Variants in FHIT observed in about 807,000 individuals in gnomAD.
The protein encoded by FHIT is bis(5'-adenosyl)-triphosphatase.
Under a neutral mutation model 17.9 loss-of-function variants are expected in FHIT, and 19 were observed. That is an observed-to-expected ratio of 1.06 (90% CI 0.74 to 1.56). The LOEUF (loss-of-function observed/expected upper bound fraction) is 1.56, where lower values mean the gene tolerates loss of function less well. Among genes scored for constraint, FHIT ranks in the 40% most tolerant of loss-of-function variants. The pLI is 0.00. For synonymous variants in FHIT, 81 were observed against 69.7 expected, an observed-to-expected ratio of 1.16 and a Z score of -0.81; for missense variants, 248 against 189.2, an observed-to-expected ratio of 1.31 and a Z score of -1.82.
chr3:60,256,680 TC>T (rs1411916770), intron 5 of FHIT, among the ~76,000 whole-genome samples: 3 of 152,192 alleles, frequency 2.0e-5, no homozygotes, highest in Non-Finnish European at 4.4e-5. Context: ...CTTTGGTAGA[TC>T]CCACCTTGGT....
rs183651506 is a variant in FHIT, at chr3:60,716,814, T to C, written c.-18+105105A>G. ...AGCACGTGAGTAATTCGTGACGCTA[T>C]GATATTAGCACACTACAATGTCACT... On this transcript the variant is annotated intron_variant, in intron 4 of 9. Transcript: ENST00000492590. Among the ~76,000 whole-genome samples, 127 of 152,348 alleles carry C rather than the reference T, an allele frequency of 8.3e-4. 3 individuals carry two copies. Among genetic ancestry groups the C allele is most frequent in the African/African-American group, 2.9e-3 (121 of 41,578 alleles).
chr3:60,074,664 GA>G (rs66994374), intron 5 of FHIT, among the ~76,000 whole-genome samples: 2 of 150,328 alleles, frequency 1.3e-5, no homozygotes, highest in East Asian at 3.9e-4. Flanking sequence ...TTCCAAAGGG[GA>G]AAAAAAAACA....
intron 4 of FHIT, among the ~76,000 whole-genome samples, chr3:60,613,082 G>C (rs1226091978): frequency 6.6e-6 from 1 of 152,108 alleles, no homozygotes; most frequent in Admixed American, 6.6e-5. Context: ...ATATTAGTAG[G>C]GGATTTCAAG....
chr3:60,473,646 C>A (rs548812848), intron 5 of FHIT, among the ~76,000 whole-genome samples: 33 of 152,220 alleles, frequency 2.2e-4, no homozygotes, highest in Admixed American at 2.0e-3. Context: ...CAGCTGGGCG[C>A]AGTGGCTCAC....
rs1017771866 is a variant in FHIT, at chr3:60,480,717, T to C, written c.103+56143A>G. ...GACTCCATGGATCAAATCCAGGGCA[T>C]GCTCATGCAGGAAGAGGGATCCCAG... On this transcript the variant is annotated intron_variant, in intron 5 of 9. Transcript: ENST00000492590. Among the ~76,000 whole-genome samples the C allele has an allele frequency of 7.9e-5, 12 of 152,332 alleles. No homozygotes were observed. The East Asian group carries it at 1.7e-3, about 22-fold the overall frequency.
chr3:60,146,597 C>A (rs931042495), intron 5 of FHIT, among the ~76,000 whole-genome samples: 2 of 152,090 alleles, frequency 1.3e-5, no homozygotes, highest in African/African-American at 4.8e-5. Context: ...TTCTGATCAC[C>A]CAGTTTGGGA....
At chr3:60,946,801 C>A (rs1412354344) in intron 3 of FHIT, among the ~76,000 whole-genome samples, 1 of 152,088 alleles carries the variant, frequency 6.6e-6, no homozygotes, top group Non-Finnish European at 1.5e-5. Context: ...GGGGAAGCCT[C>A]CTTAAGAGTT....
intron 3 of FHIT, among the ~76,000 whole-genome samples, chr3:60,857,538 G>T (rs1345440028): frequency 3.1e-4 from 47 of 152,064 alleles, no homozygotes; most frequent in African/African-American, 1.1e-3. Context: ...GATAATACAT[G>T]GAAAGCTTTC....
intron 4 of FHIT, among the ~76,000 whole-genome samples, chr3:60,658,021 C>A (rs1553690117): frequency 6.6e-6 from 1 of 151,976 alleles, no homozygotes; most frequent in East Asian, 1.9e-4. Context: ...TTGTTACAAC[C>A]ATCACCACCT....
rs560830869 is a variant in FHIT, at chr3:59,857,521, A to G, written c.348+64825T>C. On this transcript the variant is annotated intron_variant, in intron 8 of 9. Coordinates refer to ENST00000492590, the MANE Select transcript of FHIT (RefSeq NM_002012.4). ...TGCCAATAATCTCTTTCATATTTTC[A>G]TAGGACAAGATTATACAAATAATAT... Among the ~76,000 whole-genome samples, 964 of 108,876 alleles carry G rather than the reference A, an allele frequency of 8.9e-3. 13 individuals carry two copies. Among genetic ancestry groups the G allele is most frequent in the African/African-American group, 0.048 (938 of 19,434 alleles). The allele number at this position is 108,876 out of a possible 152,430, so 71.4% of individuals were successfully genotyped here. A position where few individuals can be genotyped will look rare whatever the true frequency, so the allele number is the denominator to read the frequency against.
chr3:59,757,152 A>C (rs559878080), intron 8 of FHIT, among the ~76,000 whole-genome samples: 1 of 152,156 alleles, frequency 6.6e-6, no homozygotes. Context: ...TGCAACAACA[A>C]TAGTCAAAAC....
intron 1 of FHIT, among the ~76,000 whole-genome samples, chr3:61,231,494 G>C (rs933864403): frequency 7.1e-6 from 1 of 141,406 alleles, no homozygotes; most frequent in Non-Finnish European, 1.5e-5. Flanking sequence ...GTCTCTTACG[G>C]AAAAAAAAAA....
At chr3:59,997,784 T>C (rs943439541) in intron 7 of FHIT, among the ~76,000 whole-genome samples, 5 of 152,300 alleles carry the variant, frequency 3.3e-5, no homozygotes, top group South Asian at 2.1e-4. Flanking sequence ...AGGTTTGCAA[T>C]TAAAATTGCA....
At chr3:60,948,421 T>C (rs1708730712) in intron 3 of FHIT, among the ~76,000 whole-genome samples, 1 of 152,236 alleles carries the variant, frequency 6.6e-6, no homozygotes, top group South Asian at 2.1e-4. Context: ...TAAGAAGTTA[T>C]TCTTGCTTTC....
At chr3:60,029,749 T>C (rs74780953) in intron 5 of FHIT, among the ~76,000 whole-genome samples, 3,532 of 152,228 alleles carry the variant, frequency 0.023, 150 homozygotes, top group African/African-American at 0.081. Context: ...ACAAAGGTTT[T>C]TAAAGGGCAA....
chr3:61,125,705 G>A (rs142096272), intron 2 of FHIT, among the ~76,000 whole-genome samples: 2 of 152,292 alleles, frequency 1.3e-5, no homozygotes, highest in Non-Finnish European at 2.9e-5. Flanking sequence ...AAAACTATGT[G>A]CTCAAGTGTC....
At chr3:61,048,452 G>A (rs895104081) in intron 2 of FHIT, among the ~76,000 whole-genome samples, 1 of 152,154 alleles carries the variant, frequency 6.6e-6, no homozygotes, top group Non-Finnish European at 1.5e-5. Flanking sequence ...CAGTTAGAAT[G>A]ACAATCATTA....
At chr3:60,776,443 G>A (rs548564708) in intron 4 of FHIT, among the ~76,000 whole-genome samples, 15 of 152,292 alleles carry the variant, frequency 9.8e-5, no homozygotes, top group African/African-American at 2.9e-4. Context: ...AATAGAAACA[G>A]TCTTAAAAAC....
intron 7 of FHIT, among the ~76,000 whole-genome samples, chr3:59,957,510 C>T (rs1201527481): frequency 1.3e-5 from 2 of 152,230 alleles, no homozygotes; most frequent in African/African-American, 4.8e-5. Context: ...TCAGTAAAGA[C>T]TGATGAGTGA....
Sources: allele counts gnomAD v4.1 joint callset (sites outside exome capture counted in the v4.1 genomes callset), GRCh38; gene constraint gnomAD v4.1.1; transcripts MANE v1.5; gene names NCBI Gene and HGNC (gene_info 2026-07-23, HGNC 2026-07-21).